The following AUTS2 variants were observed in gnomAD, a reference collection of about 807,000 sequenced individuals.
AUTS2 encodes the protein autism susceptibility gene 2 protein.
AUTS2 carries 17 observed loss-of-function variants against 112.4 expected under a neutral mutation model. The observed-to-expected ratio is 0.15, with a 90% confidence interval of 0.10 to 0.23. The LOEUF (loss-of-function observed/expected upper bound fraction) is 0.23. AUTS2 is among the 10% of genes least tolerant of loss of function. The probability of loss-of-function intolerance (pLI) is 1.00; values close to 1 mark genes in which losing one functional copy is unlikely to be tolerated. For synonymous variants in AUTS2, 751 were observed against 702.7 expected (o/e 1.07, Z -1.09); for missense variants, 1,510 against 1,701.6 (o/e 0.89, Z 1.98).
intron 1 of AUTS2, among the ~76,000 whole-genome samples, chr7:69,627,210 C>T (rs1046192272): frequency 7.2e-5 from 11 of 152,008 alleles, no homozygotes; most frequent in Admixed American, 2.6e-4. Flanking sequence ...ACACTTTAGG[C>T]GGCCAGGCAC....
At chr7:70,325,164 GC>G (rs2129618282) in intron 4 of AUTS2, among the ~76,000 whole-genome samples, 1 of 152,116 alleles carries the variant, frequency 6.6e-6, no homozygotes, top group Admixed American at 6.5e-5. Flanking sequence ...ACCCAGAGAA[GC>G]TTAAGAAATC....
chr7:70,129,754 T>C (rs1806171361), intron 3 of AUTS2, among the ~76,000 whole-genome samples: 1 of 152,184 alleles, frequency 6.6e-6, no homozygotes, highest in Non-Finnish European at 1.5e-5. Context: ...CAACCTGACG[T>C]GGGCATAACA....
intron 4 of AUTS2, among the ~76,000 whole-genome samples, chr7:70,136,100 A>G (rs1806547233): frequency 6.6e-6 from 1 of 152,010 alleles, no homozygotes; most frequent in African/African-American, 2.4e-5. Flanking sequence ...TTTTGCAGTT[A>G]TTTTTCTCTC....
In AUTS2 at chr7:70,762,912, A is replaced by G. The variant is rs1789657628; in HGVS notation, c.785A>G (p.Gln262Arg). 7 of 1,614,144 alleles carry G rather than the reference A, an allele frequency of 4.3e-6. No homozygotes were observed. Among genetic ancestry groups the G allele is most frequent in the Non-Finnish European group, 5.9e-6 (7 of 1,180,000 alleles). ...GVGTLPEHDS[Q>R]DAGPIVPKIS... ...GGCACGCTACCAGAACATGACAGCC[A>G]GGATGCAGGGCCGATTGTCCCCAAG... Residue 262 changes from glutamine (Q) to arginine (R), a missense_variant, in exon 7 of 19, where the codon CAG becomes CGG. Physicochemically the swap from Gln to Arg is conservative, Grantham distance 43. This residue lies in a region of AUTS2 where 535 missense variants were observed against 594.3 expected (regional missense o/e 0.90). Coordinates refer to ENST00000342771, the MANE Select transcript of AUTS2 (RefSeq NM_015570.4).
chr7:69,935,795 G>A (rs1796386794), intron 2 of AUTS2, among the ~76,000 whole-genome samples: 1 of 152,162 alleles, frequency 6.6e-6, no homozygotes, highest in Admixed American at 6.5e-5. Context: ...TGGGCACATA[G>A]GGTTCTGGGA....
intron 5 of AUTS2, among the ~76,000 whole-genome samples, chr7:70,575,985 G>A (rs1350116872): frequency 6.6e-6 from 1 of 152,164 alleles, no homozygotes; most frequent in Non-Finnish European, 1.5e-5. Context: ...GTAGTTGGCA[G>A]GTGGTGGTTC....
chr7:69,949,108 A>G (rs1412949781), intron 2 of AUTS2, among the ~76,000 whole-genome samples: 1 of 152,072 alleles, frequency 6.6e-6, no homozygotes, highest in Non-Finnish European at 1.5e-5. Context: ...CGCCCAGCCT[A>G]TTTCTTGATT....
At chr7:70,554,929 G>A (rs996371318) in intron 5 of AUTS2, among the ~76,000 whole-genome samples, 2 of 152,212 alleles carry the variant, frequency 1.3e-5, no homozygotes, top group African/African-American at 4.8e-5. Flanking sequence ...TTGAGCACAT[G>A]TTAATTGGCT....
intron 5 of AUTS2, among the ~76,000 whole-genome samples, chr7:70,503,031 C>A (rs1291555864): frequency 6.6e-6 from 1 of 152,056 alleles, no homozygotes; most frequent in Non-Finnish European, 1.5e-5. Context: ...CAGTCCCACA[C>A]AGTTGCAAGT....
chr7:70,544,796 G>A (rs150302969), intron 5 of AUTS2, among the ~76,000 whole-genome samples: 278 of 152,224 alleles, frequency 1.8e-3, no homozygotes, highest in African/African-American at 6.3e-3. Context: ...TGGCTGCGGG[G>A]TGTGCTGGGG....
intron 5 of AUTS2, among the ~76,000 whole-genome samples, chr7:70,488,569 A>G (rs1334064527): frequency 1.3e-5 from 2 of 152,102 alleles, no homozygotes; most frequent in Non-Finnish European, 2.9e-5. Flanking sequence ...TGAAAGCTGC[A>G]GGCCAAGCCT....
At chr7:70,248,304 T>TA (rs1345153195) in intron 4 of AUTS2, among the ~76,000 whole-genome samples, 6 of 152,066 alleles carry the variant, frequency 3.9e-5, no homozygotes, top group African/African-American at 7.2e-5. Context: ...AGATGTTCAG[T>TA]AAAAAAACAT....
chr7:70,614,285 A>G (rs1804241057), intron 5 of AUTS2, among the ~76,000 whole-genome samples: 1 of 149,750 alleles, frequency 6.7e-6, no homozygotes, highest in Admixed American at 6.7e-5. Context: ...AAAAATTTAA[A>G]TTACTTTTTT....
chr7:69,630,057 C>T (rs1295614800), intron 1 of AUTS2, among the ~76,000 whole-genome samples: 4 of 151,948 alleles, frequency 2.6e-5, no homozygotes, highest in Non-Finnish European at 5.9e-5. Flanking sequence ...GAGTTCGAGA[C>T]CAGCCTGGCC....
chr7:70,679,807 G>A (rs1327216665), intron 5 of AUTS2, among the ~76,000 whole-genome samples: 1 of 152,172 alleles, frequency 6.6e-6, no homozygotes, highest in Non-Finnish European at 1.5e-5. Flanking sequence ...TGATCTGTGT[G>A]GGTTTGGGGG....
chr7:70,193,166 T>C (rs1034946393), intron 4 of AUTS2, among the ~76,000 whole-genome samples: 3 of 152,196 alleles, frequency 2.0e-5, no homozygotes, highest in Non-Finnish European at 2.9e-5. Context: ...ACTATTTCTG[T>C]GGTCCTTGAA....
chr7:70,401,473 A>G (rs928909502), intron 4 of AUTS2, among the ~76,000 whole-genome samples: 5 of 152,228 alleles, frequency 3.3e-5, no homozygotes, highest in East Asian at 1.9e-4. Flanking sequence ...ACCACAGGAC[A>G]TGAAATAACC....
chr7:69,598,673 T>C lies in AUTS2; in HGVS notation c.-981T>C, dbSNP rs535154040. The C allele has an allele frequency of 3.6e-3, 570 of 159,586 alleles. 3 individuals are homozygous for C. Among genetic ancestry groups the C allele is most frequent in the African/African-American group, 9.9e-3 (413 of 41,616 alleles). 9.9% of individuals were successfully genotyped at this position (159,586 alleles called of 1,614,324 possible). A position where few individuals can be genotyped will look rare whatever the true frequency, so the allele number is the denominator to read the frequency against. Reference sequence around the variant, plus strand: ...GGCGGCACACCGGTGTCTCTCCCGCTGGAGATTTCTTTCTGCTTTCCTCAT... The same window carrying C: ...GGCGGCACACCGGTGTCTCTCCCGCCGGAGATTTCTTTCTGCTTTCCTCAT... On this transcript the variant is annotated 5_prime_UTR_variant, in exon 1 of 19. Coordinates refer to ENST00000342771, the MANE Select transcript of AUTS2 (RefSeq NM_015570.4).
chr7:69,796,552 G>A (rs1281427809), intron 1 of AUTS2, among the ~76,000 whole-genome samples: 5 of 151,858 alleles, frequency 3.3e-5, no homozygotes, highest in Admixed American at 2.0e-4. Flanking sequence ...AAGAAAATAG[G>A]GAAGAGACTG....
Sources: allele counts gnomAD v4.1 joint callset (sites outside exome capture counted in the v4.1 genomes callset), GRCh38; gene constraint gnomAD v4.1.1; regional missense constraint gnomAD v4.1.1; transcripts MANE v1.5; gene names NCBI Gene and HGNC (gene_info 2026-07-23, HGNC 2026-07-21).